PCDHA11: variants seen among roughly 807,000 people sequenced by gnomAD.
The protein encoded by PCDHA11 is protocadherin alpha 11.
A neutral mutation model predicts 70.3 loss-of-function variants in PCDHA11; 61 were observed. The ratio of observed to expected loss-of-function variants is 0.87; its 90% CI spans 0.71 to 1.07. The LOEUF is 1.07. PCDHA11 is among the 50% of genes least tolerant of loss of function. The probability of loss-of-function intolerance (pLI) is 0.00; values close to 1 mark genes in which losing one functional copy is unlikely to be tolerated. For synonymous variants in PCDHA11, 633 were observed against 555.1 expected, an observed-to-expected ratio of 1.14 and a Z score of -1.97; for missense variants, 1,324 against 1,237.5, an observed-to-expected ratio of 1.07 and a Z score of -1.05.
chr5:140,944,909 C>A (rs1320536064), intron 1 of PCDHA11, among the ~76,000 whole-genome samples: 1 of 152,136 alleles, frequency 6.6e-6, no homozygotes, highest in African/African-American at 2.4e-5. Flanking sequence ...CCACAAACTT[C>A]TCTTTATATT....
intron 1 of PCDHA11, among the ~76,000 whole-genome samples, chr5:140,945,397 A>G (rs2093784345): frequency 6.6e-6 from 1 of 152,132 alleles, no homozygotes; most frequent in Admixed American, 6.5e-5. Context: ...TACAAATTCA[A>G]TACAATTCGT....
intron 1 of PCDHA11, among the ~76,000 whole-genome samples, chr5:140,955,276 T>A (rs1485560412): frequency 6.6e-6 from 1 of 152,120 alleles, no homozygotes; most frequent in Non-Finnish European, 1.5e-5. Flanking sequence ...TTTGGTTCCA[T>A]ATTGATATGG....
chr5:140,950,569 T>G (rs969438550), intron 1 of PCDHA11, among the ~76,000 whole-genome samples: 2 of 152,120 alleles, frequency 1.3e-5, no homozygotes, highest in African/African-American at 4.8e-5. Context: ...TATTTTAAGG[T>G]TTTCTACTTA....
chr5:140,952,873 A>G (rs1554220663), intron 1 of PCDHA11, among the ~76,000 whole-genome samples: 1 of 152,168 alleles, frequency 6.6e-6, no homozygotes, highest in South Asian at 2.1e-4. Context: ...GGAAACTTAC[A>G]ATCATGGTGG....
At chr5:141,005,302 G>T (rs940194498) in intron 3 of PCDHA11, among the ~76,000 whole-genome samples, 1 of 152,160 alleles carries the variant, frequency 6.6e-6, no homozygotes, top group Non-Finnish European at 1.5e-5. Context: ...TTGCCTTTGT[G>T]AATCTTACAG....
intron 1 of PCDHA11, chr5:140,877,326 G>A: frequency 1.9e-6 from 3 of 1,613,964 alleles, no homozygotes. Flanking sequence ...CGGTCGGCGC[G>A]CACATCCCGT....
intron 1 of PCDHA11, among the ~76,000 whole-genome samples, chr5:140,874,847 A>AT (rs1459176801): frequency 6.6e-6 from 1 of 152,242 alleles, no homozygotes; most frequent in Non-Finnish European, 1.5e-5. Context: ...TATTAGACAT[A>AT]TTTTAGTTTC....
At chr5:140,881,025 C>A (rs1554171683) in intron 1 of PCDHA11, among the ~76,000 whole-genome samples, 1 of 152,216 alleles carries the variant, frequency 6.6e-6, no homozygotes, top group Admixed American at 6.5e-5. Context: ...ATAAACCCAA[C>A]AGTCATTTCC....
chr5:140,906,303 A>G (rs1195275228), intron 1 of PCDHA11, among the ~76,000 whole-genome samples: 5 of 152,220 alleles, frequency 3.3e-5, no homozygotes, highest in Non-Finnish European at 7.3e-5. Flanking sequence ...ATAAGGTCAT[A>G]ATTATTCCCA....
chr5:140,874,215 G>A (rs2054781939), intron 1 of PCDHA11, among the ~76,000 whole-genome samples: 1 of 152,180 alleles, frequency 6.6e-6, no homozygotes, highest in Non-Finnish European at 1.5e-5. Context: ...ATTATTATAT[G>A]CAGTAGGAAT....
chr5:140,918,175 CT>C (rs1429626043), intron 1 of PCDHA11, among the ~76,000 whole-genome samples: 2 of 152,076 alleles, frequency 1.3e-5, no homozygotes, highest in Non-Finnish European at 2.9e-5. Context: ...GCATTGTGTT[CT>C]TGATTTGGCC....
In PCDHA11 at chr5:140,952,512, CATCT is replaced by C. The variant is rs2094757607; in HGVS notation, c.2392-26436_2392-26433del. ...CAGTCCTCAGTAAGTTCCTCATCTC[CATCT>C]GAGACCTCCTCAGACTGGACTTCTT... On this transcript the variant is annotated intron_variant, in intron 1 of 3. Coordinates refer to ENST00000398640, the MANE Select transcript of PCDHA11 (RefSeq NM_018902.5). 2.0e-5 allele frequency among the ~76,000 whole-genome samples: 3 copies of C among 152,242 alleles called. No individual in the cohort carries two copies. The South Asian group carries it at 6.2e-4, about 32-fold the overall frequency.
At position 141,009,807 on chromosome 5, in the gene PCDHA11, T is replaced by C. The variant is rs1554262456; in HGVS notation, c.2720T>C (p.Ile907Thr). ...CGGCAGGAGCCTACTAACAGCCAAA[T>C]TGACAAAAGTGACTTCATAACCTTC... is the stretch of plus-strand genomic sequence containing the variant. ...SIRQEPTNSQIDKSDFITFGK... is the reference protein window; with the variant it reads ...SIRQEPTNSQTDKSDFITFGK... Residue 907 changes from isoleucine to threonine, a missense_variant, in exon 4 of 4, where the codon ATT (isoleucine) becomes ACT (threonine). Ile to Thr is a moderately conservative substitution (Grantham distance 89). Transcript: ENST00000398640. 9.9e-6 allele frequency: 16 copies of C among 1,613,824 alleles called. No homozygotes were observed. Among genetic ancestry groups the C allele is most frequent in the South Asian group, 1.1e-5 (1 of 91,066 alleles).
chr5:140,869,137 C>G lies in PCDHA11; in HGVS notation c.34C>G (p.Pro12Ala). ...TTTTCAGAGAAGGGGATTGGGCACCCCACGACTACAGCTCTGGCTTCTCCT... is the reference window on the plus strand; with the variant it reads ...TTTTCAGAGAAGGGGATTGGGCACCGCACGACTACAGCTCTGGCTTCTCCT... ...FGFQRRGLGT[P>A]RLQLWLLLLE... Residue 12 changes from proline (P) to alanine (A), a missense_variant, in exon 1 of 4, where the codon CCA (proline) becomes GCA (alanine). By Grantham distance (27) the Pro-to-Ala change is conservative. Coordinates refer to ENST00000398640, the MANE Select transcript of PCDHA11 (RefSeq NM_018902.5). 1.9e-6 allele frequency: 3 copies of G among 1,613,116 alleles called. No individual in the cohort carries two copies. The highest frequency in any genetic ancestry group is 1.3e-5 in the African/African-American group (1 of 75,022).
chr5:140,936,593 C>T (rs1475903432), intron 1 of PCDHA11, among the ~76,000 whole-genome samples: 1 of 152,168 alleles, frequency 6.6e-6, no homozygotes, highest in African/African-American at 2.4e-5. Context: ...GTTAGATTGC[C>T]TACTTTCCTC....
intron 1 of PCDHA11, among the ~76,000 whole-genome samples, chr5:140,902,684 A>G (rs1173996816): frequency 6.6e-6 from 1 of 152,100 alleles, no homozygotes; most frequent in Non-Finnish European, 1.5e-5. Flanking sequence ...ACCGTACCTA[A>G]TATGTGTAGT....
At chr5:140,877,207 G>C in intron 1 of PCDHA11, 3 of 1,613,796 alleles carry the variant, frequency 1.9e-6, no homozygotes, top group Non-Finnish European at 2.5e-6. Context: ...CGCAGTTAGC[G>C]AGTTGGTACC....
intron 1 of PCDHA11, among the ~76,000 whole-genome samples, chr5:140,897,443 G>GT (rs1562897655): frequency 6.7e-6 from 1 of 149,986 alleles, no homozygotes; most frequent in Non-Finnish European, 1.5e-5. Flanking sequence ...GCAGTGTTTG[G>GT]TTTTTTGTCC....
chr5:140,875,290 A>T (rs1321351883), intron 1 of PCDHA11: 20 of 1,396,906 alleles, frequency 1.4e-5, no homozygotes, highest in East Asian at 7.6e-5. Context: ...AAACAGGAAA[A>T]TTTTTTTCTC....
Sources: allele counts gnomAD v4.1 joint callset (sites outside exome capture counted in the v4.1 genomes callset), GRCh38; gene constraint gnomAD v4.1.1; transcripts MANE v1.5; gene names NCBI Gene and HGNC (gene_info 2026-07-23, HGNC 2026-07-21).